CDH23: variants seen among roughly 807,000 people sequenced by gnomAD.
The protein encoded by CDH23 is cadherin-23.
Under a neutral mutation model 317.1 loss-of-function variants are expected in CDH23, and 189 were observed. The ratio of observed to expected loss-of-function variants is 0.60; its 90% CI spans 0.53 to 0.67. The LOEUF is 0.67. Ranked by LOEUF, CDH23 falls within the 30% of genes least tolerant of loss-of-function variation. The probability of loss-of-function intolerance (pLI) is 0.00; values close to 1 mark genes in which losing one functional copy is unlikely to be tolerated. For synonymous variants in CDH23, 1,839 were observed against 1,876.8 expected, an observed-to-expected ratio of 0.98 and a Z score of 0.52; for missense variants, 4,401 against 4,592.4, an observed-to-expected ratio of 0.96 and a Z score of 1.20.
intron 1 of CDH23, among the ~76,000 whole-genome samples, chr10:71,429,218 A>C (rs1321554468): frequency 6.6e-6 from 1 of 152,190 alleles, no homozygotes; most frequent in Non-Finnish European, 1.5e-5. Flanking sequence ...CTTATGTGTC[A>C]GGGGTCAGCT....
At chr10:71,662,890 T>G (rs1342537098) in intron 14 of CDH23, among the ~76,000 whole-genome samples, 1 of 152,220 alleles carries the variant, frequency 6.6e-6, no homozygotes, top group African/African-American at 2.4e-5. Context: ...AGGGCTGTCC[T>G]TCCTCCTCAG....
chr10:71,522,894 G>C (rs1009677961), intron 6 of CDH23, among the ~76,000 whole-genome samples: 3 of 152,188 alleles, frequency 2.0e-5, no homozygotes, highest in African/African-American at 4.8e-5. Flanking sequence ...CAGTTGGTAA[G>C]AAAGGTGTGA....
intron 60 of CDH23, among the ~76,000 whole-genome samples, chr10:71,808,512 A>G (rs1841812739): frequency 6.6e-6 from 1 of 152,178 alleles, no homozygotes; most frequent in Admixed American, 6.5e-5. Flanking sequence ...GGACTGGGGC[A>G]CCAGGATTCA....
At chr10:71,398,442 T>A (rs1201464716) in intron 1 of CDH23, among the ~76,000 whole-genome samples, 11 of 148,130 alleles carry the variant, frequency 7.4e-5, no homozygotes, top group African/African-American at 2.8e-4. Context: ...TGTGTGTGTG[T>A]GTGTGTGTGT....
chr10:71,630,076 C>T (rs1861929809), intron 11 of CDH23, among the ~76,000 whole-genome samples: 1 of 152,024 alleles, frequency 6.6e-6, no homozygotes, highest in Non-Finnish European at 1.5e-5. Flanking sequence ...GGCTGGAGTG[C>T]AGTGGTGTAA....
At chr10:71,402,706 A>AGTGT (rs61127679) in intron 1 of CDH23, among the ~76,000 whole-genome samples, 97 of 148,932 alleles carry the variant, frequency 6.5e-4, no homozygotes, top group Middle Eastern at 3.4e-3. Flanking sequence ...ATTCTTCCTG[A>AGTGT]GTGTGTGTGT....
At chr10:71,800,427 A>T (rs1841525131) in intron 52 of CDH23, among the ~76,000 whole-genome samples, 1 of 152,156 alleles carries the variant, frequency 6.6e-6, no homozygotes, top group Non-Finnish European at 1.5e-5. Context: ...AGGTAGCTCC[A>T]GGCTGGGCTG....
rs770638753 is a variant in CDH23, at chr10:71,738,663, A to C, written c.4359+16A>C. 6.2e-7 allele frequency: 1 copy of C among 1,611,270 alleles called. No individual in the cohort carries two copies. The highest frequency in any genetic ancestry group is 1.1e-5 in the South Asian group (1 of 91,046). The stretch of plus-strand genomic sequence containing the variant: ...CAATGGGCAGGTGGGCCACCGAGTG[A>C]AACAGCCAGGATCCACCATGTCAGC... On this transcript the variant is annotated intron_variant, in intron 35 of 69. Transcript: ENST00000224721.
At position 71,566,782 on chromosome 10, in the gene CDH23, C is replaced by G; in HGVS notation, c.470C>G (p.Thr157Arg). ...ACGCCCATCTTCATCGTGAATGCCA[C>G]AGACCCCGACTTGGGGGCAGGGGGC... is the stretch of plus-strand genomic sequence containing the variant. ...VGTPIFIVNA[T>R]DPDLGAGGSV... Residue 157 changes from threonine (T) to arginine (R), a missense_variant, in exon 7 of 70, where the codon ACA (threonine) becomes AGA (arginine). Around this residue, in one of 3 missense-constraint regions of CDH23, gnomAD observed 3,068 missense variants for 3,203.3 expected, o/e 0.96. Transcript: ENST00000224721. 1 of 1,611,890 alleles carries G rather than the reference C, an allele frequency of 6.2e-7. No homozygotes were observed.
Position 71,617,569 on chromosome 10 carries a change from A to G in CDH23, c.1134+176A>G, listed in dbSNP as rs944357834. On this transcript the variant is annotated intron_variant, in intron 11 of 69. Transcript: ENST00000224721. ...AAAAATCACTAGTCTCTACTTTTGGATTATCCCCTACACCCTGCAAAAAAC... is the reference window on the plus strand; with the variant it reads ...AAAAATCACTAGTCTCTACTTTTGGGTTATCCCCTACACCCTGCAAAAAAC... 1.3e-5 allele frequency: 19 copies of G among 1,453,726 alleles called. No homozygotes were observed. In the Middle Eastern group the frequency reaches 7.3e-4, roughly 56 times the overall value. The allele number at this position is 1,453,726 out of a possible 1,614,324, so 90.1% of individuals were successfully genotyped here.
At chr10:71,713,649 G>C (rs1428957134) in intron 28 of CDH23, 1 of 268,296 alleles carries the variant, frequency 3.7e-6, no homozygotes, top group Non-Finnish European at 7.3e-6. Context: ...CCAGAAGGAG[G>C]AAGTAGAGGG....
chr10:71,784,439 C>A lies in CDH23; in HGVS notation c.5502+19C>A. ...CTCCACAGTGAGTCTGGGGGCCCCA[C>A]CCGCTGGCTTCACCTCGCTGCCCCT... On this transcript the variant is annotated intron_variant, in intron 42 of 69. Transcript: ENST00000224721. The A allele has an allele frequency of 6.2e-7, 1 of 1,608,904 alleles. No individual in the cohort carries two copies. Among genetic ancestry groups the A allele is most frequent in the Non-Finnish European group, 8.5e-7 (1 of 1,177,054 alleles).
At chr10:71,802,820 C>CG in intron 53 of CDH23, 78 bp from the exon 54 acceptor site, 1 of 1,481,266 alleles carries the variant, frequency 6.8e-7, no homozygotes, top group Non-Finnish European at 9.4e-7. Flanking sequence ...TCTATCCAGG[C>CG]TTACTCCTGC....
chr10:71,423,833 G>C (rs1414828587), intron 1 of CDH23, among the ~76,000 whole-genome samples: 1 of 152,200 alleles, frequency 6.6e-6, no homozygotes, highest in Non-Finnish European at 1.5e-5. Flanking sequence ...GCTGGGCAGG[G>C]CAGGACGGGT....
At chr10:71,785,589 G>A in intron 43 of CDH23, 42 bp from the exon 44 acceptor site, 1 of 1,300,938 alleles carries the variant, frequency 7.7e-7, no homozygotes, top group Non-Finnish European at 1.1e-6. Flanking sequence ...GTAGAAAGCA[G>A]GGAAAAGGTC....
rs1442661472 is a variant in CDH23, at chr10:71,766,562, T to G, written c.4846-11118T>G. On this transcript the variant is annotated intron_variant, in intron 38 of 69. Transcript: ENST00000224721. ...TTCTCTGAGCCTCCGTTTCTTCATC[T>G]TAACCTGAGGGCTGCCAGCTCTAAA... Among the ~76,000 whole-genome samples, 4 of 152,222 alleles carry G rather than the reference T, an allele frequency of 2.6e-5. No individual in the cohort carries two copies. In the East Asian group the frequency reaches 5.8e-4, roughly 22 times the overall value.
intron 6 of CDH23, among the ~76,000 whole-genome samples, chr10:71,521,786 G>T (rs753774337): frequency 5.3e-5 from 8 of 152,226 alleles, no homozygotes; most frequent in Non-Finnish European, 1.0e-4. Context: ...TGGATTTGGA[G>T]GCACAAGTCT....
intron 38 of CDH23, among the ~76,000 whole-genome samples, chr10:71,774,061 A>G (rs1840760260): frequency 6.6e-6 from 1 of 151,484 alleles, no homozygotes; most frequent in Non-Finnish European, 1.5e-5. Flanking sequence ...GCACACACAC[A>G]CACACACACA....
intron 11 of CDH23, among the ~76,000 whole-genome samples, chr10:71,621,074 G>A (rs760257257): frequency 3.3e-5 from 5 of 152,230 alleles, no homozygotes; most frequent in African/African-American, 4.8e-5. Flanking sequence ...GACTGCAAAA[G>A]CAGTTAAACA....
Sources: gnomAD v4.1 joint callset for allele counts (sites outside exome capture counted in the v4.1 genomes callset) on GRCh38, gnomAD v4.1.1 for gene constraint, gnomAD v4.1.1 regional missense constraint, MANE v1.5 for transcripts, NCBI Gene and HGNC (gene_info 2026-07-23, HGNC 2026-07-21) for gene names.